TBCD: variants seen among roughly 807,000 people sequenced by gnomAD.
The protein encoded by TBCD is tubulin-specific chaperone D.
A neutral mutation model predicts 169.3 loss-of-function variants in TBCD; 105 were observed. That is an observed-to-expected ratio of 0.62 (90% CI 0.53 to 0.73). TBCD has a LOEUF of 0.73. TBCD is among the 30% of genes least tolerant of loss of function. TBCD has a pLI of 0.00. For synonymous variants in TBCD, 700 were observed against 643.9 expected, an observed-to-expected ratio of 1.09 and a Z score of -1.32; for missense variants, 1,444 against 1,600.1, an observed-to-expected ratio of 0.90 and a Z score of 1.66.
At chr17:82,756,248 A>G (rs781716663) in intron 2 of TBCD, 33 bp downstream of exon 2, 1 of 1,591,480 alleles carries the variant, frequency 6.3e-7, no homozygotes, top group South Asian at 1.1e-5. Flanking sequence ...TTGATCATTC[A>G]GTTACAGATG....
At chr17:82,788,874 G>T (rs977973478) in intron 7 of TBCD, among the ~76,000 whole-genome samples, 1 of 152,202 alleles carries the variant, frequency 6.6e-6, no homozygotes, top group Non-Finnish European at 1.5e-5. Flanking sequence ...ACCTCTCACC[G>T]CAGAGGCTGG....
intron 15 of TBCD, among the ~76,000 whole-genome samples, chr17:82,888,695 G>A (rs1366924432): frequency 1.3e-5 from 2 of 152,172 alleles, no homozygotes; most frequent in African/African-American, 4.8e-5. Context: ...TTTTCCCTGG[G>A]GGGTGGGGGC....
chr17:82,939,579 A>C (rs2062941875), intron 37 of TBCD, 103 bp downstream of exon 37: 1 of 929,840 alleles, frequency 1.1e-6, no homozygotes, highest in African/African-American at 1.6e-5. Flanking sequence ...TGATAGGAGG[A>C]GGAAAGAGGG....
intron 5 of TBCD, among the ~76,000 whole-genome samples, chr17:82,771,263 C>G (rs2048300435): frequency 6.6e-6 from 1 of 151,922 alleles, no homozygotes. Context: ...AGCTTGAGCC[C>G]AGGAGTTTGA....
chr17:82,809,834 C>T, intron 12 of TBCD, 52 bp downstream of exon 12: 1 of 1,549,738 alleles, frequency 6.5e-7, no homozygotes, highest in South Asian at 1.1e-5. Context: ...AGTTGAGAAG[C>T]CCTGGCTTTC....
At chr17:82,785,731 T>C (rs60870046) in intron 7 of TBCD, among the ~76,000 whole-genome samples, 1,388 of 87,718 alleles carry the variant, frequency 0.016, 3 homozygotes, top group African/African-American at 0.087. Context: ...CTGGATCCCG[T>C]CCATCGCAGC....
chr17:82,838,947 C>T (rs1046286684), intron 13 of TBCD: 25 of 985,198 alleles, frequency 2.5e-5, no homozygotes, highest in Admixed American at 1.8e-4. Context: ...CAGATGTGGA[C>T]GGACTGTGCT....
At position 82,832,262 on chromosome 17, in the gene TBCD, ACTTGGGAACTCGATC is replaced by A. The variant is rs2053588270; in HGVS notation, c.1318+17331_1318+17345del. The A allele has an allele frequency of 1.2e-6, 2 of 1,614,086 alleles. No individual in the cohort carries two copies. The highest frequency in any genetic ancestry group is 2.2e-5 in the South Asian group (2 of 91,084). On this transcript the variant is annotated intron_variant, in intron 13 of 38. Transcript: ENST00000355528. The surrounding 1 kb of genome is among the most constrained non-coding windows in gnomAD (Gnocchi z 4.9). ...GGGTCTAGTGAGTTAGATTTAGGGC[ACTTGGGAACTCGATC>A]CTGCTCTGATACTAAAGTAATCGAG...
In TBCD at chr17:82,822,584, G is replaced by A. The variant is rs1234463086; in HGVS notation, c.1318+7650G>A. Among the ~76,000 whole-genome samples the A allele has an allele frequency of 3.3e-5, 5 of 152,330 alleles. No homozygotes were observed. The East Asian group carries it at 7.7e-4, about 24-fold the overall frequency. On this transcript the variant is annotated intron_variant, in intron 13 of 38. Transcript: ENST00000355528. ...AGGGGCTTCAGGAACACAGTGAGGG[G>A]TTTGGAAATTATTCAACATAAAGTC...
At chr17:82,911,675 T>G in intron 22 of TBCD, 83 bp from the exon 23 acceptor site, 3 of 1,355,458 alleles carry the variant, frequency 2.2e-6, no homozygotes, top group Non-Finnish European at 3.1e-6. Flanking sequence ...TTTTGGAGCC[T>G]GAGGTTACAT....
At chr17:82,773,197 G>A (rs922541443) in intron 6 of TBCD, among the ~76,000 whole-genome samples, 11 of 152,200 alleles carry the variant, frequency 7.2e-5, no homozygotes, top group Non-Finnish European at 1.5e-4. Flanking sequence ...GGTTGTGGTT[G>A]GGAATACGGT....
intron 13 of TBCD, among the ~76,000 whole-genome samples, chr17:82,827,132 AGCTAG>A (rs2052921038): frequency 6.6e-6 from 1 of 152,190 alleles, no homozygotes; most frequent in Admixed American, 6.5e-5. Flanking sequence ...TTATTCAAGT[AGCTAG>A]GAATGGCAGA....
chr17:82,794,450 G>A (rs1025067378), intron 7 of TBCD, among the ~76,000 whole-genome samples: 2 of 152,190 alleles, frequency 1.3e-5, no homozygotes, highest in Non-Finnish European at 1.5e-5. Flanking sequence ...TCTAATCCCT[G>A]GTGTCATCAC....
Position 82,864,787 on chromosome 17 carries a change from A to G in TBCD, c.1319-5437A>G, listed in dbSNP as rs574368106. 2.7e-5 allele frequency among the ~76,000 whole-genome samples: 4 copies of G among 149,460 alleles called. No homozygotes were observed. In the South Asian group the frequency reaches 8.5e-4, roughly 32 times the overall value. On this transcript the variant is annotated intron_variant, in intron 13 of 38. Coordinates refer to ENST00000355528, the MANE Select transcript of TBCD (RefSeq NM_005993.5). The surrounding 1 kb of genome is among the most constrained non-coding windows in gnomAD (Gnocchi z 6.3). Reference sequence around the variant, plus strand: ...TGCATATCCGGGCGCCCACCCTAGCAGCACAGGAAGGGCTGGGATCACCAC... The same window carrying G: ...TGCATATCCGGGCGCCCACCCTAGCGGCACAGGAAGGGCTGGGATCACCAC...
rs77633042 is a variant in TBCD at position 82,843,710 on chromosome 17, T to G, written c.1319-26514T>G. Among the ~76,000 whole-genome samples the G allele has an allele frequency of 3.2e-3, 491 of 152,274 alleles. 1 individual carries two copies. The highest frequency in any genetic ancestry group is 0.01 in the African/African-American group (417 of 41,542). ...TTGCCCCAAACACTTTTCAGGCATA[T>G]TCTTATTAGTTTATGATTCTTCTTT... On this transcript the variant is annotated intron_variant, in intron 13 of 38. Transcript: ENST00000355528.
intron 23 of TBCD, among the ~76,000 whole-genome samples, chr17:82,914,564 A>C (rs2060891728): frequency 6.6e-6 from 1 of 152,170 alleles, no homozygotes; most frequent in South Asian, 2.1e-4. Context: ...GCACTCCTGC[A>C]CATGTCGCCT....
intron 8 of TBCD, among the ~76,000 whole-genome samples, chr17:82,799,791 T>C (rs1452377178): frequency 6.6e-6 from 1 of 152,224 alleles, no homozygotes; most frequent in East Asian, 1.9e-4. Flanking sequence ...ACCTCCCTCT[T>C]GGGCTGTCGT....
At chr17:82,801,058 G>C in intron 9 of TBCD, 62 bp downstream of exon 9, 1 of 1,515,094 alleles carries the variant, frequency 6.6e-7, no homozygotes, top group Non-Finnish European at 8.9e-7. Flanking sequence ...TGCTGTGGGG[G>C]GCAGGCGCCA....
intron 33 of TBCD, among the ~76,000 whole-genome samples, chr17:82,931,365 C>T (rs1338593348): frequency 1.3e-5 from 2 of 152,260 alleles, no homozygotes; most frequent in Non-Finnish European, 1.5e-5. Context: ...AAAATCTTCC[C>T]CAGTCAGGAC....
Sources: gnomAD v4.1 joint callset for allele counts (sites outside exome capture counted in the v4.1 genomes callset) on GRCh38, gnomAD v4.1.1 for gene constraint, Gnocchi (gnomAD v3.1) non-coding constraint, MANE v1.5 for transcripts, NCBI Gene and HGNC (gene_info 2026-07-23, HGNC 2026-07-21) for gene names.